WDR41: variants seen among roughly 807,000 people sequenced by gnomAD.
The protein encoded by WDR41 is WD repeat domain 41.
In WDR41, 63 loss-of-function variants were observed where a neutral mutation model predicts 69.3. The observed-to-expected ratio is 0.91, with a 90% CI of 0.74 to 1.12. The LOEUF (loss-of-function observed/expected upper bound fraction) is 1.12. Ranked by LOEUF, WDR41 falls within the 50% of genes most tolerant of loss-of-function variation. The pLI, the probability that WDR41 is intolerant of heterozygous loss-of-function variation, is 0.00. For missense variants in WDR41, 543 were observed against 534.5 expected (o/e 1.02, Z -0.16); for synonymous variants, 185 against 192.1 (o/e 0.96, Z 0.31).
intron 1 of WDR41, 64 bp from the exon 2 acceptor site, chr5:77,489,636 A>C: frequency 9.5e-7 from 1 of 1,050,078 alleles, no homozygotes; most frequent in Non-Finnish European, 1.4e-6. Flanking sequence ...AATGATTTGT[A>C]AGACCATATT....
chr5:77,495,738 GA>G (rs1173652519), upstream of WDR41, among the ~76,000 whole-genome samples: 1 of 151,942 alleles, frequency 6.6e-6, no homozygotes, highest in African/African-American at 2.4e-5. Flanking sequence ...AAAAAGTGAA[GA>G]GGAGGAAACA....
chr5:77,442,964 T>C (rs903538250), intron 8 of WDR41, among the ~76,000 whole-genome samples: 7 of 148,844 alleles, frequency 4.7e-5, no homozygotes, highest in Non-Finnish European at 7.4e-5. Flanking sequence ...ATATATTTAA[T>C]AGAAAATGTA....
Position 77,432,932 on chromosome 5 carries a change from G to A in WDR41, c.*203C>T. 1 of 493,348 alleles carries A rather than the reference G, an allele frequency of 2.0e-6. No individual in the cohort carries two copies. Among genetic ancestry groups the A allele is most frequent in the Non-Finnish European group, 3.5e-6 (1 of 286,786 alleles). The allele number at this position is 493,348 out of a possible 1,614,324, so 30.6% of individuals were successfully genotyped here. A position where few individuals can be genotyped will look rare whatever the true frequency, so the allele number is the denominator to read the frequency against. Reference sequence around the variant, plus strand: ...CTCAAAGTCAAATGGAAAAACTTGTGGTATATTCTTTGGAGGATATACTAG... The same window carrying A: ...CTCAAAGTCAAATGGAAAAACTTGTAGTATATTCTTTGGAGGATATACTAG... On this transcript the variant is annotated 3_prime_UTR_variant, in exon 13 of 13. Coordinates refer to ENST00000296679, the MANE Select transcript of WDR41 (RefSeq NM_018268.4).
rs186887860 is a variant in WDR41 at position 77,534,336 on chromosome 5, G to A, written c.43-44764C>T. Among the ~76,000 whole-genome samples the A allele has an allele frequency of 4.5e-3, 684 of 151,952 alleles. 15 individuals are homozygous for A. Among genetic ancestry groups the A allele is most frequent in the Admixed American group, 0.039 (599 of 15,240 alleles). On this transcript the variant is annotated intron_variant, in intron 1 of 5. Coordinates refer to the WDR41 transcript ENST00000509971. ...TGCAACTACACCACTATATGTGGGG[G>A]GCGGCGGGGAAAGACCTTATATGGA...
chr5:77,479,115 G>A (rs1440761879), intron 2 of WDR41, among the ~76,000 whole-genome samples: 1 of 151,998 alleles, frequency 6.6e-6, no homozygotes, highest in South Asian at 2.1e-4. Context: ...CAACTTACAA[G>A]GGATGGGAAG....
At chr5:77,501,178 T>C (rs1802013020) in intron 1 of WDR41, among the ~76,000 whole-genome samples, 1 of 152,250 alleles carries the variant, frequency 6.6e-6, no homozygotes, top group African/African-American at 2.4e-5. Context: ...GCCCAAATAC[T>C]GCGCTTTTCC....
chr5:77,601,254 A>C, intron 1 of WDR41, among the ~76,000 whole-genome samples: 1 of 152,120 alleles, frequency 6.6e-6, no homozygotes, highest in Non-Finnish European at 1.5e-5. Context: ...TAGAGTAAAA[A>C]CTTGACCCTT....
At chr5:77,592,389 T>C (rs570271382) in intron 1 of WDR41, among the ~76,000 whole-genome samples, 79 of 152,330 alleles carry the variant, frequency 5.2e-4, no homozygotes, top group African/African-American at 1.9e-3. Context: ...TATTTGTTCT[T>C]TGTTCCTTAT....
intron 1 of WDR41, among the ~76,000 whole-genome samples, chr5:77,555,629 G>A (rs188279871): frequency 1.3e-5 from 2 of 152,138 alleles, no homozygotes; most frequent in South Asian, 2.1e-4. Flanking sequence ...CTTTAAAAAA[G>A]ACATTAATTA....
At chr5:77,486,023 G>C (rs1469657154) in intron 2 of WDR41, among the ~76,000 whole-genome samples, 4 of 152,090 alleles carry the variant, frequency 2.6e-5, no homozygotes, top group Admixed American at 6.6e-5. Flanking sequence ...TTTAAAACTG[G>C]AAAGGTATTT....
chr5:77,496,134 A>G (rs1395810622), upstream of WDR41, among the ~76,000 whole-genome samples: 2 of 152,062 alleles, frequency 1.3e-5, no homozygotes, highest in African/African-American at 2.4e-5. Flanking sequence ...ATAAAAAGTA[A>G]TTATGAAAAA....
intron 1 of WDR41, among the ~76,000 whole-genome samples, chr5:77,596,661 T>G (rs1445527054): frequency 6.6e-6 from 1 of 152,100 alleles, no homozygotes; most frequent in Non-Finnish European, 1.5e-5. Context: ...CCTGCCTTCT[T>G]TTTCTACTGC....
intron 2 of WDR41, among the ~76,000 whole-genome samples, chr5:77,474,142 G>A (rs1800769140): frequency 2.6e-5 from 4 of 152,072 alleles, no homozygotes; most frequent in Admixed American, 2.0e-4. Context: ...GTAGGGACAT[G>A]GATGAAGCTG....
intron 1 of WDR41, among the ~76,000 whole-genome samples, chr5:77,527,028 A>G (rs1394740738): frequency 2.6e-5 from 4 of 152,022 alleles, no homozygotes; most frequent in Admixed American, 1.3e-4. Flanking sequence ...AATTTTCTCT[A>G]TACTTATGAC....
intron 1 of WDR41, among the ~76,000 whole-genome samples, chr5:77,580,696 G>A (rs573825434): frequency 5.9e-5 from 9 of 152,090 alleles, no homozygotes; most frequent in East Asian, 1.9e-4. Context: ...TGGTTCATGC[G>A]TGTAATCACA....
At chr5:77,462,231 G>A (rs1022943386) in intron 4 of WDR41, among the ~76,000 whole-genome samples, 4 of 152,008 alleles carry the variant, frequency 2.6e-5, no homozygotes, top group African/African-American at 7.2e-5. Flanking sequence ...CCAACAGAGT[G>A]AAACCCCATC....
chr5:77,572,868 G>C (rs1299788987), intron 1 of WDR41, among the ~76,000 whole-genome samples: 1 of 152,138 alleles, frequency 6.6e-6, no homozygotes, highest in Admixed American at 6.5e-5. Context: ...CATTAGATCA[G>C]TCTATCTTTC....
At chr5:77,573,744 CA>C (rs1743774827) in intron 1 of WDR41, among the ~76,000 whole-genome samples, 1 of 152,174 alleles carries the variant, frequency 6.6e-6, no homozygotes, top group Non-Finnish European at 1.5e-5. Flanking sequence ...AAATTTCCGA[CA>C]GAACTAGATG....
At chr5:77,555,337 A>G (rs964689113) in intron 1 of WDR41, among the ~76,000 whole-genome samples, 2 of 152,186 alleles carry the variant, frequency 1.3e-5, no homozygotes, top group South Asian at 4.1e-4. Flanking sequence ...AAGACAGGGT[A>G]TCACTTTGTC....
Sources: allele counts gnomAD v4.1 joint callset (sites outside exome capture counted in the v4.1 genomes callset), GRCh38; gene constraint gnomAD v4.1.1; transcripts MANE v1.5; gene names NCBI Gene and HGNC (gene_info 2026-07-23, HGNC 2026-07-21).